Variants in NIPA2 observed in about 807,000 individuals in gnomAD.
The protein encoded by NIPA2 is NIPA magnesium transporter 2, also known as magnesium transporter NIPA2.
A neutral mutation model predicts 29.7 loss-of-function variants in NIPA2; 11 were observed. That is an observed-to-expected ratio of 0.37 (90% CI 0.23 to 0.61). NIPA2 has a LOEUF of 0.61. Among genes scored for constraint, NIPA2 ranks in the 20% least tolerant of loss-of-function variants. The probability of loss-of-function intolerance (pLI) is 0.66; values close to 1 mark genes in which losing one functional copy is unlikely to be tolerated. For synonymous variants in NIPA2, 183 were observed against 161.9 expected (o/e 1.13, Z -0.99); for missense variants, 426 against 437.9 (o/e 0.97, Z 0.24).
At chr15:22,852,106 G>A (rs376723077) in intron 4 of NIPA2, among the ~76,000 whole-genome samples, 71 of 152,292 alleles carry the variant, frequency 4.7e-4, no homozygotes, top group South Asian at 1.4e-3. Flanking sequence ...TGGAAACAGG[G>A]ACCAATGCCC....
chr15:22,867,413 C>G lies in NIPA2; in HGVS notation c.*566C>G. ...AACAAAAAAAAGGGCAGAAATCACC[C>G]CAAGGAACGATTTCTCAGGTTGAGA... On this transcript the variant is annotated 3_prime_UTR_variant, in exon 8 of 8. Transcript: ENST00000337451. The G allele has an allele frequency of 2.7e-6, 1 of 376,908 alleles. No homozygotes were observed. The highest frequency in any genetic ancestry group is 6.8e-4 in the Middle Eastern group (1 of 1,468). The allele number at this position is 376,908 out of a possible 1,614,324, so 23.3% of individuals were successfully genotyped here.
At chr15:22,840,369 C>A (rs1004210342) in intron 2 of NIPA2, among the ~76,000 whole-genome samples, 2 of 147,888 alleles carry the variant, frequency 1.4e-5, no homozygotes, top group African/African-American at 5.0e-5. Context: ...ACGATCTCTG[C>A]TCACTGCAAC....
chr15:22,859,280 ATTTC>A (rs2058439000), intron 6 of NIPA2, among the ~76,000 whole-genome samples: 5 of 146,634 alleles, frequency 3.4e-5, no homozygotes, highest in South Asian at 2.1e-4. Context: ...TAATGAGTAG[ATTTC>A]TTTTTCTTTT....
At chr15:22,865,004 G>C (rs2058888180) in intron 7 of NIPA2, among the ~76,000 whole-genome samples, 1 of 151,990 alleles carries the variant, frequency 6.6e-6, no homozygotes, top group African/African-American at 2.4e-5. Context: ...TGGCATTACA[G>C]GTGTCTGCCA....
intron 6 of NIPA2, among the ~76,000 whole-genome samples, chr15:22,859,104 G>GC (rs2058422478): frequency 6.6e-6 from 1 of 152,018 alleles, no homozygotes; most frequent in Non-Finnish European, 1.5e-5. Context: ...AACGCAGGAA[G>GC]AGGAGGTTGC....
chr15:22,846,845 T>TTAG (rs1898855732), intron 3 of NIPA2, among the ~76,000 whole-genome samples: 1 of 145,918 alleles, frequency 6.9e-6, no homozygotes, highest in African/African-American at 2.5e-5. Context: ...ATAATAATTA[T>TTAG]TATTATTATT....
At position 22,866,198 on chromosome 15, in the gene NIPA2, C is replaced by T. The variant is rs1323218002; in HGVS notation, c.449-15C>T. 1 of 1,602,410 alleles carries T rather than the reference C, an allele frequency of 6.2e-7. No homozygotes were observed. Among genetic ancestry groups the T allele is most frequent in the African/African-American group, 1.3e-5 (1 of 74,620 alleles). On this transcript the variant is annotated splice_polypyrimidine_tract_variant and intron_variant, in intron 7 of 7. Transcript: ENST00000337451. The stretch of plus-strand genomic sequence containing the variant: ...CAACCATTTGACTCATGTAACTTTT[C>T]TTTGCCTCCTCCAGGTTTTGTGGTC...
chr15:22,867,422 G>C lies in NIPA2; in HGVS notation c.*575G>C, dbSNP rs180794934. ...AAGGGCAGAAATCACCCCAAGGAAC[G>C]ATTTCTCAGGTTGAGATGATCACCG... On this transcript the variant is annotated 3_prime_UTR_variant, in exon 8 of 8. Transcript: ENST00000337451. The C allele has an allele frequency of 2.7e-6, 1 of 370,812 alleles. No homozygotes were observed. Among genetic ancestry groups the C allele is most frequent in the African/African-American group, 2.1e-5 (1 of 48,014 alleles). The allele number at this position is 370,812 out of a possible 1,614,324, so 23.0% of individuals were successfully genotyped here.
intron 2 of NIPA2, among the ~76,000 whole-genome samples, chr15:22,841,555 C>G (rs1211777950): frequency 1.3e-5 from 2 of 152,112 alleles, no homozygotes; most frequent in African/African-American, 4.8e-5. Context: ...GTTGCCCAGG[C>G]TAGAGTGCAG....
rs376776976 is a variant in NIPA2 at position 22,859,042 on chromosome 15, C to T, written c.287+412C>T. Among the ~76,000 whole-genome samples the T allele has an allele frequency of 3.0e-4, 45 of 151,460 alleles. 1 individual carries two copies. The highest frequency in any genetic ancestry group is 6.8e-3 in the Middle Eastern group (2 of 294). On this transcript the variant is annotated intron_variant, in intron 6 of 7. Coordinates refer to ENST00000337451, the MANE Select transcript of NIPA2 (RefSeq NM_030922.7). Reference sequence around the variant, plus strand: ...TACAAAAATTAGCTGGGCGTGGTGGCGGGCACCTGTAGTCCCAGCTACTCA... The same window carrying T: ...TACAAAAATTAGCTGGGCGTGGTGGTGGGCACCTGTAGTCCCAGCTACTCA...
chr15:22,861,198 TA>T (rs1309182619), intron 7 of NIPA2, among the ~76,000 whole-genome samples: 2 of 152,228 alleles, frequency 1.3e-5, no homozygotes, highest in African/African-American at 4.8e-5. Context: ...TGTAGTTTTT[TA>T]TGAATCGATC....
intron 2 of NIPA2, among the ~76,000 whole-genome samples, chr15:22,841,216 TGTTA>T (rs775476003): frequency 1.4e-4 from 21 of 152,140 alleles, no homozygotes; most frequent in Non-Finnish European, 2.5e-4. Context: ...GTGGTAACTG[TGTTA>T]GTATCTGTAT....
chr15:22,844,857 G>C (rs754335297), intron 2 of NIPA2, among the ~76,000 whole-genome samples: 4 of 152,156 alleles, frequency 2.6e-5, no homozygotes, highest in Non-Finnish European at 5.9e-5. Context: ...ACGTCAGTAG[G>C]TTATTTTTGG....
At chr15:22,841,611 C>A (rs756541006) in intron 2 of NIPA2, among the ~76,000 whole-genome samples, 4 of 152,000 alleles carry the variant, frequency 2.6e-5, no homozygotes, top group Non-Finnish European at 5.9e-5. Context: ...CAGTTTCTAG[C>A]GATTCTCCTG....
chr15:22,865,100 G>T (rs1173472884), intron 7 of NIPA2, among the ~76,000 whole-genome samples: 2 of 152,090 alleles, frequency 1.3e-5, no homozygotes, highest in Non-Finnish European at 2.9e-5. Context: ...GACCTCAGGT[G>T]ATCTGCCATC....
At chr15:22,840,013 C>A (rs142569378) in intron 2 of NIPA2, among the ~76,000 whole-genome samples, 3,725 of 152,142 alleles carry the variant, frequency 0.024, 142 homozygotes, top group African/African-American at 0.084. Context: ...TTCCGCCTCC[C>A]GGGCTCAAGT....
chr15:22,867,395 AAAAG>A lies in NIPA2; in HGVS notation c.*549_*552del, dbSNP rs2059177477. On this transcript the variant is annotated 3_prime_UTR_variant, in exon 8 of 8. Coordinates refer to ENST00000337451, the MANE Select transcript of NIPA2 (RefSeq NM_030922.7). ...GGAACCTCTTTCTTACAAAACAAAA[AAAAG>A]GGCAGAAATCACCCCAAGGAACGAT... 4 of 386,144 alleles carry A rather than the reference AAAAG, an allele frequency of 1.0e-5. No homozygotes were observed. Among genetic ancestry groups the A allele is most frequent in the South Asian group, 2.9e-4 (2 of 6,906 alleles). 23.9% of individuals were successfully genotyped at this position (386,144 alleles called of 1,614,324 possible). A position where few individuals can be genotyped will look rare whatever the true frequency, so the allele number is the denominator to read the frequency against.
In NIPA2 at chr15:22,866,246, T is replaced by C; in HGVS notation, c.482T>C (p.Val161Ala). Residue 161 changes from valine (V) to alanine (A), a missense_variant, in exon 8 of 8, where the codon GTG becomes GCG. Coordinates refer to ENST00000337451, the MANE Select transcript of NIPA2 (RefSeq NM_030922.7). ...FVVFATLVVI[V>A]ALILIFVVGP... is the part of the protein sequence containing the mutation. ...GTCTTTGCAACCCTTGTGGTCATTG[T>C]GGCCTTGATATTAATCTTCGTGGTG... 6.2e-7 allele frequency: 1 copy of C among 1,613,988 alleles called. No homozygotes were observed. Among genetic ancestry groups the C allele is most frequent in the Non-Finnish European group, 8.5e-7 (1 of 1,179,820 alleles).
At chr15:22,839,524 T>C (rs1020455372) in intron 1 of NIPA2, 131 bp from the exon 2 acceptor site, 2 of 152,200 alleles carry the variant, frequency 1.3e-5, no homozygotes, top group African/African-American at 4.8e-5. Flanking sequence ...GTCGAAGCAG[T>C]AGTTGTGCTC....
Sources: gnomAD v4.1 joint callset for allele counts (sites outside exome capture counted in the v4.1 genomes callset) on GRCh38, gnomAD v4.1.1 for gene constraint, MANE v1.5 for transcripts, NCBI Gene and HGNC (gene_info 2026-07-23, HGNC 2026-07-21) for gene names.